The following PPIP5K2 variants were observed in gnomAD, a reference collection of about 807,000 sequenced individuals.
The protein encoded by PPIP5K2 is inositol hexakisphosphate and diphosphoinositol-pentakisphosphate kinase 2.
A neutral mutation model predicts 154.6 loss-of-function variants in PPIP5K2; 105 were observed. The ratio of observed to expected loss-of-function variants is 0.68; its 90% CI spans 0.58 to 0.80. PPIP5K2 has a LOEUF of 0.80. Ranked by LOEUF, PPIP5K2 falls within the 30% of genes least tolerant of loss-of-function variation. The pLI is 0.00. For missense variants in PPIP5K2, 992 were observed against 1,504.6 expected (o/e 0.66, Z 5.64); for synonymous variants, 480 against 490.3 (o/e 0.98, Z 0.28).
At chr5:103,187,458 A>G in intron 28 of PPIP5K2, 82 bp downstream of exon 28, 1 of 1,104,406 alleles carries the variant, frequency 9.1e-7, no homozygotes, top group Non-Finnish European at 1.3e-6. Flanking sequence ...TGTGGGGTAT[A>G]CAGTATCATT....
intron 5 of PPIP5K2, 136 bp from the exon 6 acceptor site, chr5:103,146,391 T>A: frequency 1.2e-6 from 1 of 847,928 alleles, no homozygotes; most frequent in Non-Finnish European, 1.7e-6. Flanking sequence ...TAAACATGGA[T>A]AATTAAAATC....
At position 103,150,533 on chromosome 5, in the gene PPIP5K2, G is replaced by A. The variant is rs782670829; in HGVS notation, c.907-720G>A. 6.4e-4 allele frequency among the ~76,000 whole-genome samples: 98 copies of A among 152,152 alleles called. 2 individuals are homozygous for A. Among genetic ancestry groups the A allele is most frequent in the Admixed American group, 6.5e-5 (1 of 15,272 alleles). The stretch of plus-strand genomic sequence containing the variant: ...CACACCCATAATCCCAGCACTTTGG[G>A]GGTGCTGAGGTAGGTGGATCACTTG... On this transcript the variant is annotated intron_variant, in intron 8 of 30. Coordinates refer to ENST00000358359, the MANE Select transcript of PPIP5K2 (RefSeq NM_001276277.3).
intron 19 of PPIP5K2, among the ~76,000 whole-genome samples, chr5:103,172,544 A>G (rs1243711653): frequency 6.6e-6 from 1 of 151,228 alleles, no homozygotes; most frequent in Non-Finnish European, 1.5e-5. Flanking sequence ...ACTGCTTTGA[A>G]CTATAATTTT....
At chr5:103,137,912 G>A (rs920063401) in intron 4 of PPIP5K2, among the ~76,000 whole-genome samples, 13 of 75,430 alleles carry the variant, frequency 1.7e-4, no homozygotes, top group Admixed American at 6.9e-4. Context: ...CCATTTAATC[G>A]TCACTGTATC....
At chr5:103,177,632 T>G in intron 21 of PPIP5K2, 35 bp from the exon 22 acceptor site, 31 of 1,443,210 alleles carry the variant, frequency 2.1e-5, no homozygotes, top group Middle Eastern at 2.4e-4. Flanking sequence ...TAACACAGTT[T>G]GAGAAAATGA....
chr5:103,193,631 A>G (rs1396090453), intron 29 of PPIP5K2, among the ~76,000 whole-genome samples: 1 of 152,038 alleles, frequency 6.6e-6, no homozygotes, highest in East Asian at 1.9e-4. Context: ...ATGATGTTTT[A>G]AGGACTTTTT....
chr5:103,197,393 TTTA>T (rs1446450792), intron 30 of PPIP5K2, among the ~76,000 whole-genome samples: 13 of 151,934 alleles, frequency 8.6e-5, no homozygotes, highest in South Asian at 4.1e-4. Context: ...TTGTTGCTCT[TTTA>T]TTATCTTTTT....
At chr5:103,141,608 C>T (rs1284747792) in intron 5 of PPIP5K2, among the ~76,000 whole-genome samples, 3 of 152,124 alleles carry the variant, frequency 2.0e-5, no homozygotes, top group East Asian at 3.9e-4. Flanking sequence ...AGGTTCTCCA[C>T]GTCCCCATCA....
At chr5:103,150,231 A>T (rs1554210813) in intron 8 of PPIP5K2, among the ~76,000 whole-genome samples, 3 of 152,184 alleles carry the variant, frequency 2.0e-5, no homozygotes, top group African/African-American at 7.2e-5. Context: ...AGTGTCTTTC[A>T]TGGAAGGAAT....
At position 103,183,383 on chromosome 5, in the gene PPIP5K2, C is replaced by G; in HGVS notation, c.3072C>G (p.Ser1024=). 1 of 1,610,310 alleles carries G rather than the reference C, an allele frequency of 6.2e-7. No homozygotes were observed. Among genetic ancestry groups the G allele is most frequent in the Non-Finnish European group, 8.5e-7 (1 of 1,178,868 alleles). Residue 1024 remains serine, a synonymous_variant, in exon 25 of 31, where the codon TCC becomes TCG. Transcript: ENST00000358359. ...CCCCCAAATCATTGGCTTTCACATC[C>G]AGTATTTTTGGCTCATGGCAACAGG... ...PVSPKSLAFT[S]SIFGSWQQVV...
At chr5:103,158,007 A>G (rs1419533065) in intron 14 of PPIP5K2, among the ~76,000 whole-genome samples, 181 bp from the exon 15 acceptor site, 1 of 152,240 alleles carries the variant, frequency 6.6e-6, no homozygotes, top group African/African-American at 2.4e-5. Context: ...AGTATTCCTT[A>G]CAGAAGCAAC....
chr5:103,183,857 C>A (rs1313414959), intron 25 of PPIP5K2, among the ~76,000 whole-genome samples: 1 of 152,006 alleles, frequency 6.6e-6, no homozygotes, highest in Non-Finnish European at 1.5e-5. Context: ...TTTAAAATAT[C>A]AGAATTTATG....
chr5:103,142,832 G>A (rs912548768), intron 5 of PPIP5K2, among the ~76,000 whole-genome samples: 1 of 150,744 alleles, frequency 6.6e-6, no homozygotes, highest in Non-Finnish European at 1.5e-5. Context: ...ACTGGTAATA[G>A]CAAGTACACA....
At chr5:103,149,091 G>T in intron 7 of PPIP5K2, 61 bp from the exon 8 acceptor site, 3 of 1,196,902 alleles carry the variant, frequency 2.5e-6, no homozygotes, top group South Asian at 4.4e-5. Context: ...TTGTCTGTTG[G>T]TTACACACAC....
Position 103,194,835 on chromosome 5 carries a change from C to T in PPIP5K2, c.3494-65C>T, listed in dbSNP as rs567868590. The stretch of plus-strand genomic sequence containing the variant: ...GGGTCACTAAATTATAAGAAACTTT[C>T]TATGATGTTAAGAGATAATTGGCAG... On this transcript the variant is annotated intron_variant, in intron 29 of 30. Transcript: ENST00000358359. 66 of 1,513,880 alleles carry T rather than the reference C, an allele frequency of 4.4e-5. No homozygotes were observed. In the African/African-American group the frequency reaches 8.0e-4, roughly 18 times the overall value. The allele number at this position is 1,513,880 out of a possible 1,614,324, so 93.8% of individuals were successfully genotyped here.
At chr5:103,154,012 A>G in intron 11 of PPIP5K2, 78 bp downstream of exon 11, 1 of 1,065,216 alleles carries the variant, frequency 9.4e-7, no homozygotes, top group Non-Finnish European at 1.3e-6. Flanking sequence ...CTTTTGATTA[A>G]TACATCATAT....
intron 23 of PPIP5K2, among the ~76,000 whole-genome samples, chr5:103,178,184 G>A (rs1798994997): frequency 6.6e-6 from 1 of 151,908 alleles, no homozygotes. Flanking sequence ...CTTTTGTTTA[G>A]ATTGTTTGAA....
chr5:103,156,664 T>C (rs1225530076), intron 14 of PPIP5K2, among the ~76,000 whole-genome samples: 3 of 152,182 alleles, frequency 2.0e-5, no homozygotes, highest in Admixed American at 2.0e-4. Flanking sequence ...TGAGAATTCA[T>C]TGAGACAGGA....
rs1803684261 is a variant in PPIP5K2, at chr5:103,209,420, A to C, written c.*7786A>C. On this transcript the variant is annotated 3_prime_UTR_variant, in exon 31 of 31. Coordinates refer to ENST00000358359, the MANE Select transcript of PPIP5K2 (RefSeq NM_001276277.3). ...CAGTGTTTAAAAAAAAAAAGTATTT[A>C]AATAAAATCAAGGATACCATCCCAC... 6.6e-6 allele frequency: 1 copy of C among 152,322 alleles called. No homozygotes were observed. Among genetic ancestry groups the C allele is most frequent in the African/African-American group, 2.4e-5 (1 of 41,592 alleles). 9.4% of individuals were successfully genotyped at this position (152,322 alleles called of 1,614,324 possible).
Sources: gnomAD v4.1 joint callset for allele counts (sites outside exome capture counted in the v4.1 genomes callset) on GRCh38, gnomAD v4.1.1 for gene constraint, MANE v1.5 for transcripts, NCBI Gene and HGNC (gene_info 2026-07-23, HGNC 2026-07-21) for gene names.